The following POLA1 variants were observed in gnomAD, a reference collection of about 807,000 sequenced individuals.
The protein encoded by POLA1 is DNA polymerase alpha catalytic subunit.
POLA1 carries 15 observed loss-of-function variants against 124.0 expected under a neutral mutation model. The ratio of observed to expected loss-of-function variants is 0.12; its 90% CI spans 0.08 to 0.19. POLA1 has a LOEUF of 0.19. Among genes scored for constraint, POLA1 ranks in the 10% least tolerant of loss-of-function variants. The pLI is 1.00. For synonymous variants in POLA1, 408 were observed against 389.4 expected, an observed-to-expected ratio of 1.05 and a Z score of -0.56; for missense variants, 886 against 1,103.4, an observed-to-expected ratio of 0.80 and a Z score of 2.79.
rs1010716412 is a variant in POLA1, at chrX:24,696,124, C to T, written c.43+2120C>T. On this transcript the variant is annotated intron_variant, in intron 1 of 36. Transcript: ENST00000379068. ...AGTAAGATAGGCATCTTCATGTAAT[C>T]CTTAACAGATTTTGAAGCAGACATG... is the stretch of plus-strand genomic sequence containing the variant. Among the ~76,000 whole-genome samples the T allele has an allele frequency of 2.7e-5, 3 of 112,573 alleles. No individual in the cohort carries two copies. The Admixed American group carries it at 2.8e-4, about 11-fold the overall frequency.
At chrX:24,940,535 G>C (rs1370488983) in intron 36 of POLA1, among the ~76,000 whole-genome samples, 1 of 111,681 alleles carries the variant, frequency 9.0e-6, no homozygotes, top group Non-Finnish European at 1.9e-5. Flanking sequence ...AATATTATCA[G>C]TATTTGGGTA....
intron 35 of POLA1, among the ~76,000 whole-genome samples, chrX:24,909,532 G>A: frequency 9.0e-6 from 1 of 110,942 alleles, no homozygotes; most frequent in Non-Finnish European, 1.9e-5. Context: ...GTTTGTCAAA[G>A]ATCAGATAGT....
chrX:24,834,773 C>T (rs1335674291), intron 32 of POLA1, among the ~76,000 whole-genome samples: 5 of 110,541 alleles, frequency 4.5e-5, no homozygotes, highest in African/African-American at 1.6e-4. Flanking sequence ...CGAGACTCCG[C>T]CTCAAAACAA....
intron 13 of POLA1, among the ~76,000 whole-genome samples, chrX:24,726,564 T>C (rs1381270507): frequency 8.9e-6 from 1 of 112,798 alleles, no homozygotes; most frequent in African/African-American, 3.2e-5. Flanking sequence ...ACAGTGGTGA[T>C]GAAAAGTATT....
chrX:24,699,388 T>C (rs1193074212), intron 1 of POLA1, 37 bp from the exon 2 acceptor site: 2 of 1,106,083 alleles, frequency 1.8e-6, no homozygotes, highest in East Asian at 3.1e-5. Context: ...GCTGACAATT[T>C]TGTAACATCT....
intron 30 of POLA1, among the ~76,000 whole-genome samples, chrX:24,817,935 ATTTTTTTTTTTTT>A: frequency 1.2e-5 from 1 of 81,493 alleles, no homozygotes; most frequent in South Asian, 5.6e-4. Flanking sequence ...TCATGACAAT[ATTTTTTTTTTTTT>A]TTTTTTTTTT....
intron 35 of POLA1, among the ~76,000 whole-genome samples, chrX:24,905,552 A>ACCCC (rs757447706): frequency 1.6e-5 from 1 of 62,059 alleles, no homozygotes; most frequent in African/African-American, 7.3e-5. Flanking sequence ...GTAATGGTGA[A>ACCCC]CCCCCCCCCC....
At chrX:24,787,527 T>C (rs2045389921) in intron 26 of POLA1, among the ~76,000 whole-genome samples, 1 of 112,073 alleles carries the variant, frequency 8.9e-6, no homozygotes, top group Admixed American at 9.4e-5. Context: ...TGACCATGTA[T>C]GCAAGGGTTT....
intron 26 of POLA1, among the ~76,000 whole-genome samples, chrX:24,799,700 C>T (rs2045672939): frequency 8.9e-6 from 1 of 111,736 alleles, no homozygotes; most frequent in African/African-American, 3.3e-5. Context: ...AAGGCTATTT[C>T]CTTTGTGTGT....
In POLA1 at chrX:24,941,090, C is replaced by A. The variant is rs901713146; in HGVS notation, c.4261+10541C>A. Among the ~76,000 whole-genome samples, 5 of 111,868 alleles carry A rather than the reference C, an allele frequency of 4.5e-5. No homozygotes were observed. The South Asian group carries it at 1.1e-3, about 25-fold the overall frequency. Reference sequence around the variant, plus strand: ...TAATGTCTTAATCATTTCTTATTTGCCTTAACTCTATTGTGATAACATTTC... The same window carrying A: ...TAATGTCTTAATCATTTCTTATTTGACTTAACTCTATTGTGATAACATTTC... On this transcript the variant is annotated intron_variant, in intron 36 of 36. Transcript: ENST00000379068.
chrX:24,733,373 T>G (rs1931058466), intron 16 of POLA1, among the ~76,000 whole-genome samples: 1 of 112,252 alleles, frequency 8.9e-6, no homozygotes, highest in Non-Finnish European at 1.9e-5. Context: ...GAACTTACAG[T>G]GTGTAATAGG....
intron 26 of POLA1, among the ~76,000 whole-genome samples, chrX:24,770,758 C>T (rs1333767822): frequency 1.8e-5 from 2 of 110,749 alleles, no homozygotes; most frequent in East Asian, 2.8e-4. Flanking sequence ...AGGAGGTGAC[C>T]GATAACCTCT....
intron 6 of POLA1, 130 bp from the exon 7 acceptor site, chrX:24,716,232 G>T: frequency 2.4e-6 from 1 of 414,624 alleles, no homozygotes. Context: ...TGACATCGAT[G>T]GGAGGGGGGA....
intron 26 of POLA1, among the ~76,000 whole-genome samples, chrX:24,749,299 T>A (rs1382261193): frequency 9.2e-6 from 1 of 108,209 alleles, no homozygotes; most frequent in Non-Finnish European, 1.9e-5. Flanking sequence ...TGGGAGGGGT[T>A]TGGGGTTGGG....
intron 36 of POLA1, among the ~76,000 whole-genome samples, chrX:24,977,283 CCT>C (rs1357249724): frequency 8.9e-6 from 1 of 112,141 alleles, no homozygotes; most frequent in Admixed American, 9.4e-5. Context: ...CTTAATTCAC[CCT>C]CATACTTAAT....
At chrX:24,798,932 A>G (rs775120363) in intron 26 of POLA1, among the ~76,000 whole-genome samples, 1 of 111,488 alleles carries the variant, frequency 9.0e-6, no homozygotes, top group Non-Finnish European at 1.9e-5. Flanking sequence ...CTGTATTTTA[A>G]TCATAGCTAG....
chrX:24,984,001 A>G, intron 36 of POLA1, among the ~76,000 whole-genome samples: 1 of 112,401 alleles, frequency 8.9e-6, no homozygotes, highest in Non-Finnish European at 1.9e-5. Context: ...GAGGCTTCAG[A>G]GAATTCAGTG....
At chrX:24,899,541 C>G (rs747436761) in intron 35 of POLA1, among the ~76,000 whole-genome samples, 2 of 111,316 alleles carry the variant, frequency 1.8e-5, no homozygotes, top group Non-Finnish European at 1.9e-5. Context: ...AAAAATGCAC[C>G]GAATTCCTGG....
At chrX:24,749,861 T>A (rs10521671) in intron 26 of POLA1, among the ~76,000 whole-genome samples, 2 of 112,351 alleles carry the variant, frequency 1.8e-5, no homozygotes, top group African/African-American at 6.5e-5. Context: ...TTTAGTACTA[T>A]GTGCATGGGT....
Sources: allele counts gnomAD v4.1 joint callset (sites outside exome capture counted in the v4.1 genomes callset), GRCh38; gene constraint gnomAD v4.1.1; transcripts MANE v1.5; gene names NCBI Gene and HGNC (gene_info 2026-07-23, HGNC 2026-07-21).